Variants in NCALD observed in about 807,000 individuals in gnomAD.
The protein encoded by NCALD is neurocalcin delta.
Under a neutral mutation model 18.6 loss-of-function variants are expected in NCALD, and 10 were observed. That is an observed-to-expected ratio of 0.54 (90% CI 0.33 to 0.91). The LOEUF (loss-of-function observed/expected upper bound fraction) is 0.91, where lower values mean the gene tolerates loss of function less well. Ranked by LOEUF, NCALD falls within the 40% of genes least tolerant of loss-of-function variation. The pLI is 0.03. For synonymous variants in NCALD, 88 were observed against 87.4 expected, an observed-to-expected ratio of 1.01 and a Z score of -0.04; for missense variants, 184 against 247.6, an observed-to-expected ratio of 0.74 and a Z score of 1.72.
intron 4 of NCALD, among the ~76,000 whole-genome samples, chr8:101,880,177 G>A (rs1453092227): frequency 6.6e-6 from 1 of 152,158 alleles, no homozygotes; most frequent in Non-Finnish European, 1.5e-5. Flanking sequence ...GAGAATTCGA[G>A]AGCAGCGCTG....
chr8:101,883,623 ATCTGT>A (rs1478176551), intron 4 of NCALD, among the ~76,000 whole-genome samples: 8 of 152,228 alleles, frequency 5.3e-5, no homozygotes, highest in African/African-American at 1.4e-4. Flanking sequence ...TATGAAGGAC[ATCTGT>A]CCTAAGCATC....
intron 4 of NCALD, among the ~76,000 whole-genome samples, chr8:101,837,776 G>A (rs1814473732): frequency 6.6e-6 from 1 of 152,100 alleles, no homozygotes; most frequent in Non-Finnish European, 1.5e-5. Context: ...CAATACCCTG[G>A]GCCCTAGTCA....
rs2132096346 is a variant in NCALD, at chr8:102,019,658, T to C, written c.-157+579A>G. On this transcript the variant is annotated intron_variant, in intron 2 of 6. Transcript: ENST00000311028. ...AAGGAATATCGCAGAAAGATTTTAGTCAATCTCATTTATGACTAAAACTTA... is the reference window on the plus strand; with the variant it reads ...AAGGAATATCGCAGAAAGATTTTAGCCAATCTCATTTATGACTAAAACTTA... Among the ~76,000 whole-genome samples, 2 of 152,284 alleles carry C rather than the reference T, an allele frequency of 1.3e-5. 1 individual carries two copies. The highest frequency in any genetic ancestry group is 4.1e-4 in the South Asian group (2 of 4,830).
intron 1 of NCALD, among the ~76,000 whole-genome samples, chr8:102,105,195 T>C (rs988783065): frequency 6.6e-6 from 1 of 152,206 alleles, no homozygotes; most frequent in Admixed American, 6.5e-5. Flanking sequence ...ATTTGTAACC[T>C]AAAGAGATAC....
intron 4 of NCALD, among the ~76,000 whole-genome samples, chr8:101,853,382 T>C (rs189810173): frequency 6.6e-6 from 1 of 152,174 alleles, no homozygotes; most frequent in Admixed American, 6.5e-5. Context: ...AAAGATCCCA[T>C]AAAAATAAAT....
intron 4 of NCALD, among the ~76,000 whole-genome samples, chr8:101,879,855 C>G (rs1013171828): frequency 6.6e-6 from 1 of 152,190 alleles, no homozygotes; most frequent in Non-Finnish European, 1.5e-5. Flanking sequence ...ATTTACAATC[C>G]TCCAACTAGA....
In NCALD at chr8:101,752,957, T is replaced by C. The variant is rs188580002; in HGVS notation, c.-19-33309A>G. Among the ~76,000 whole-genome samples the C allele has an allele frequency of 2.1e-3, 312 of 145,544 alleles. 1 individual carries two copies. Among genetic ancestry groups the C allele is most frequent in the Non-Finnish European group, 3.6e-3 (245 of 67,978 alleles). ...TGTTCTAAATCTCTGAAATTCAACATGTATTTTATTCTTACAAGCCATCCC... is the reference window on the plus strand; with the variant it reads ...TGTTCTAAATCTCTGAAATTCAACACGTATTTTATTCTTACAAGCCATCCC... On this transcript the variant is annotated intron_variant, in intron 1 of 3. Transcript: ENST00000220931.
intron 2 of NCALD, among the ~76,000 whole-genome samples, chr8:101,706,073 T>G (rs1423449109): frequency 6.6e-6 from 1 of 152,208 alleles, no homozygotes; most frequent in Non-Finnish European, 1.5e-5. Context: ...CATCTGAAAC[T>G]GCCTTTTGCA....
intron 2 of NCALD, among the ~76,000 whole-genome samples, chr8:101,716,444 T>G (rs1816089475): frequency 6.6e-6 from 1 of 152,104 alleles, no homozygotes; most frequent in Admixed American, 6.5e-5. Context: ...ATTCTGCACA[T>G]GTATTTCAGA....
At chr8:101,733,371 T>C (rs966491662) in intron 1 of NCALD, among the ~76,000 whole-genome samples, 4 of 152,184 alleles carry the variant, frequency 2.6e-5, no homozygotes, top group Admixed American at 2.0e-4. Flanking sequence ...GTTCTAAATA[T>C]GGTGCTGTGT....
At chr8:101,877,286 G>A (rs1816266015) in intron 4 of NCALD, among the ~76,000 whole-genome samples, 1 of 152,144 alleles carries the variant, frequency 6.6e-6, no homozygotes, top group African/African-American at 2.4e-5. Context: ...CAACCCTCTG[G>A]TTTACAGATA....
chr8:102,107,229 TATATATATATAC>T (rs1365489636), intron 1 of NCALD, among the ~76,000 whole-genome samples: 26 of 104,434 alleles, frequency 2.5e-4, no homozygotes, highest in Admixed American at 7.1e-4. Flanking sequence ...TATATATATA[TATATATATATAC>T]ACATAGAAAT....
chr8:101,957,930 TACC>T (rs994835241), intron 2 of NCALD, among the ~76,000 whole-genome samples: 15 of 152,180 alleles, frequency 9.9e-5, no homozygotes, highest in African/African-American at 3.6e-4. Flanking sequence ...AGTAAATTCC[TACC>T]ACCACCATAA....
At chr8:102,011,595 T>A (rs1162397573) in intron 2 of NCALD, among the ~76,000 whole-genome samples, 1 of 152,226 alleles carries the variant, frequency 6.6e-6, no homozygotes. Context: ...GACAATCTTA[T>A]GTATAAAACT....
At chr8:102,089,465 T>A (rs1428434831) in intron 1 of NCALD, among the ~76,000 whole-genome samples, 1 of 152,032 alleles carries the variant, frequency 6.6e-6, no homozygotes, top group Non-Finnish European at 1.5e-5. Flanking sequence ...CTACTAGATC[T>A]TCTTCTGTCT....
At chr8:101,827,213 T>C (rs1342802059) in intron 4 of NCALD, among the ~76,000 whole-genome samples, 1 of 152,206 alleles carries the variant, frequency 6.6e-6, no homozygotes, top group African/African-American at 2.4e-5. Flanking sequence ...GGTGTCACAT[T>C]GTCTTTTCCT....
chr8:101,812,138 G>A (rs1813327976), intron 4 of NCALD, among the ~76,000 whole-genome samples: 1 of 152,150 alleles, frequency 6.6e-6, no homozygotes, highest in South Asian at 2.1e-4. Context: ...GGTTTTCTAA[G>A]TAGTTATCAA....
intron 1 of NCALD, among the ~76,000 whole-genome samples, chr8:102,025,567 A>G (rs1197254439): frequency 6.6e-6 from 1 of 152,192 alleles, no homozygotes; most frequent in Non-Finnish European, 1.5e-5. Context: ...CTCCCCAGCC[A>G]TGCAGGTAGA....
chr8:101,896,223 C>T (rs1034136871), intron 3 of NCALD, among the ~76,000 whole-genome samples: 5 of 152,010 alleles, frequency 3.3e-5, no homozygotes, highest in South Asian at 2.1e-4. Context: ...TATCTACAAC[C>T]ATCTGATCTT....
Sources: gnomAD v4.1 joint callset for allele counts (sites outside exome capture counted in the v4.1 genomes callset) on GRCh38, gnomAD v4.1.1 for gene constraint, MANE v1.5 for transcripts, NCBI Gene and HGNC (gene_info 2026-07-23, HGNC 2026-07-21) for gene names.